Variants in CABIN1 observed in about 807,000 individuals in gnomAD.
CABIN1 encodes calcineurin binding protein 1.
CABIN1 carries 133 observed loss-of-function variants against 227.7 expected under a neutral mutation model. The ratio of observed to expected loss-of-function variants is 0.58; its 90% CI spans 0.51 to 0.67. The LOEUF is 0.67. Among genes scored for constraint, CABIN1 ranks in the 30% least tolerant of loss-of-function variants. CABIN1 has a pLI of 0.00. For synonymous variants in CABIN1, 1,086 were observed against 1,155.1 expected (o/e 0.94, Z 1.21); for missense variants, 2,408 against 2,852.5 (o/e 0.84, Z 3.55).
chr22:24,155,972 GC>G, intron 29 of CABIN1: 1 of 541,998 alleles, frequency 1.8e-6, no homozygotes, highest in Non-Finnish European at 3.2e-6. Context: ...GGCCGCGCCT[GC>G]CCCGCCCCGG....
At chr22:24,121,694 C>T (rs1186118955) in intron 28 of CABIN1, among the ~76,000 whole-genome samples, 1 of 152,236 alleles carries the variant, frequency 6.6e-6, no homozygotes, top group Non-Finnish European at 1.5e-5. Flanking sequence ...GGGAACTTTC[C>T]CCTTTCCCTC....
chr22:24,061,770 C>T (rs2039211169), intron 12 of CABIN1, among the ~76,000 whole-genome samples, 177 bp from the exon 13 acceptor site: 1 of 152,236 alleles, frequency 6.6e-6, no homozygotes, highest in African/African-American at 2.4e-5. Flanking sequence ...ATCCATGTGG[C>T]TCTTTTTATG....
chr22:24,115,473 A>G (rs1170597234), intron 27 of CABIN1, among the ~76,000 whole-genome samples: 1 of 152,226 alleles, frequency 6.6e-6, no homozygotes, highest in Non-Finnish European at 1.5e-5. Flanking sequence ...TCTTGCTTCC[A>G]TGGCCATGTT....
At chr22:24,094,006 G>A (rs774537638) in intron 24 of CABIN1, among the ~76,000 whole-genome samples, 26 of 152,230 alleles carry the variant, frequency 1.7e-4, no homozygotes, top group Non-Finnish European at 2.5e-4. Context: ...CATTCGCGGC[G>A]TTGGATCTCC....
At chr22:24,125,595 C>T (rs1405694058) in intron 28 of CABIN1, among the ~76,000 whole-genome samples, 1 of 152,172 alleles carries the variant, frequency 6.6e-6, no homozygotes, top group Non-Finnish European at 1.5e-5. Context: ...TGAGCCAGGA[C>T]CACACAGATA....
chr22:24,083,217 GCC>G lies in CABIN1; in HGVS notation c.2749-9_2749-8del. 1 of 1,611,998 alleles carries G rather than the reference GCC, an allele frequency of 6.2e-7. No homozygotes were observed. The highest frequency in any genetic ancestry group is 8.5e-7 in the Non-Finnish European group (1 of 1,179,908). ...GCCCTCACCTCAGGCCATCTCTTCT[GCC>G]CACCACAGGTGCGAGTACTCCAGAA... On this transcript the variant is annotated splice_polypyrimidine_tract_variant and intron_variant, in intron 19 of 36. Transcript: ENST00000263119.
In CABIN1 at chr22:24,119,684, A is replaced by G; in HGVS notation, c.4618A>G (p.Ser1540Gly). The G allele has an allele frequency of 6.2e-7, 1 of 1,613,970 alleles. No homozygotes were observed. Among genetic ancestry groups the G allele is most frequent in the Middle Eastern group, 1.7e-4 (1 of 6,060 alleles). ...CCGTCTGGCCTTCCTCTACACCTAC[A>G]GCAAGACCCACCGGGTGAGTGGCTG... ...LYRLAFLYTY[S>G]KTHRNLQWAR... The change falls in exon 28 of 37, where the codon AGC (serine) becomes GGC (glycine). Residue 1540 changes from serine to glycine, a missense_variant. Physicochemically the swap from Ser to Gly is moderately conservative, Grantham distance 56. This residue lies in a region of CABIN1 where 649 missense variants were observed against 910.3 expected (regional missense o/e 0.71). Transcript: ENST00000263119.
intron 29 of CABIN1, among the ~76,000 whole-genome samples, chr22:24,157,098 G>A (rs35672345): frequency 6.6e-6 from 1 of 152,200 alleles, no homozygotes; most frequent in Admixed American, 6.5e-5. Context: ...GCGGAGGCCA[G>A]GGCGCCCCTG....
chr22:24,119,432 C>T lies in CABIN1; in HGVS notation c.4366C>T (p.Pro1456Ser). The T allele has an allele frequency of 6.2e-7, 1 of 1,614,114 alleles. No individual in the cohort carries two copies. ...FRAAEQGVQK[P>S]AAETPASACI... ...GGCTGCAGAGCAAGGTGTCCAGAAG[C>T]CTGCTGCAGAAACCCCAGCCTCTGC... The change falls in exon 28 of 37, where the codon CCT (proline) becomes TCT (serine). Residue 1456 changes from proline (P) to serine (S), a missense_variant. Pro to Ser is a moderately conservative substitution (Grantham distance 74). Coordinates refer to ENST00000263119, the MANE Select transcript of CABIN1 (RefSeq NM_012295.4).
At chr22:24,080,243 T>C (rs2040719030) in intron 19 of CABIN1, among the ~76,000 whole-genome samples, 1 of 152,242 alleles carries the variant, frequency 6.6e-6, no homozygotes, top group Non-Finnish European at 1.5e-5. Context: ...TCTGTTCTTT[T>C]TATTGGCATA....
intron 26 of CABIN1, among the ~76,000 whole-genome samples, chr22:24,105,469 A>G (rs1432320253): frequency 6.6e-6 from 1 of 152,122 alleles, no homozygotes; most frequent in Non-Finnish European, 1.5e-5. Flanking sequence ...GAACATTCTG[A>G]AAAAAAGAGC....
intron 26 of CABIN1, among the ~76,000 whole-genome samples, chr22:24,108,849 A>G (rs991994023): frequency 3.3e-5 from 5 of 152,204 alleles, no homozygotes; most frequent in Non-Finnish European, 5.9e-5. Context: ...ATTGGCTCCA[A>G]TATGGCATCA....
intron 29 of CABIN1, among the ~76,000 whole-genome samples, chr22:24,154,103 G>A (rs763957417): frequency 2.6e-5 from 4 of 152,200 alleles, no homozygotes; most frequent in Non-Finnish European, 5.9e-5. Flanking sequence ...GGATGCAGGG[G>A]ACTAGTTTCC....
At chr22:24,014,730 T>G (rs1033332777) in intron 1 of CABIN1, among the ~76,000 whole-genome samples, 5 of 152,190 alleles carry the variant, frequency 3.3e-5, no homozygotes, top group Non-Finnish European at 7.3e-5. Flanking sequence ...GAGTCAGAGC[T>G]ACACACAAAG....
At chr22:24,118,634 C>T (rs1385041859) in intron 27 of CABIN1, among the ~76,000 whole-genome samples, 3 of 152,220 alleles carry the variant, frequency 2.0e-5, no homozygotes, top group African/African-American at 7.2e-5. Flanking sequence ...TGCTCCCCAG[C>T]CCTTTCCATC....
chr22:24,080,006 G>T (rs1412764000), intron 19 of CABIN1, among the ~76,000 whole-genome samples: 1 of 151,888 alleles, frequency 6.6e-6, no homozygotes, highest in East Asian at 1.9e-4. Context: ...AGGGATGGGG[G>T]TACTTTTACT....
chr22:24,050,926 G>T lies in CABIN1; in HGVS notation c.758G>T (p.Arg253Leu), dbSNP rs773327324. 16 of 1,614,092 alleles carry T rather than the reference G, an allele frequency of 9.9e-6. 1 individual carries two copies. In the East Asian group the frequency reaches 3.3e-4, roughly 34 times the overall value. ...LRKKRQALIV[R>L]EKEPDLKLVQ... ...AAAAAGAGGCAAGCGCTGATTGTGC[G>T]GGAGAAGGAGCCGGACCTGAAACTT... The change falls in exon 8 of 37, where the codon CGG (arginine) becomes CTG (leucine). Residue 253 changes from arginine to leucine, a missense_variant. Around this residue, in one of 3 missense-constraint regions of CABIN1, gnomAD observed 1,045 missense variants for 1,168.4 expected, o/e 0.89. Transcript: ENST00000263119.
intron 28 of CABIN1, among the ~76,000 whole-genome samples, chr22:24,132,252 T>C (rs1179201194): frequency 6.6e-6 from 1 of 152,226 alleles, no homozygotes; most frequent in Non-Finnish European, 1.5e-5. Context: ...TTGGGCTTCC[T>C]GAGACCTGAG....
intron 15 of CABIN1, among the ~76,000 whole-genome samples, chr22:24,065,647 G>T (rs1360446125): frequency 6.6e-6 from 1 of 152,240 alleles, no homozygotes; most frequent in South Asian, 2.1e-4. Context: ...GGAGGCCAAG[G>T]CAGGCGGCTG....
Sources: allele counts gnomAD v4.1 joint callset (sites outside exome capture counted in the v4.1 genomes callset), GRCh38; gene constraint gnomAD v4.1.1; regional missense constraint gnomAD v4.1.1; transcripts MANE v1.5; gene names NCBI Gene and HGNC (gene_info 2026-07-23, HGNC 2026-07-21).